Variants in PTPRN2 observed in about 807,000 individuals in gnomAD.
PTPRN2 encodes receptor-type tyrosine-protein phosphatase N2.
In PTPRN2, 74 loss-of-function variants were observed where a neutral mutation model predicts 118.8. The ratio of observed to expected loss-of-function variants is 0.62; its 90% CI spans 0.52 to 0.76. PTPRN2 has a LOEUF of 0.76. PTPRN2 is among the 30% of genes least tolerant of loss of function. The pLI is 0.00. For synonymous variants in PTPRN2, 641 were observed against 608.0 expected, an observed-to-expected ratio of 1.05 and a Z score of -0.80; for missense variants, 1,481 against 1,394.4, an observed-to-expected ratio of 1.06 and a Z score of -0.99.
intron 21 of PTPRN2, among the ~76,000 whole-genome samples, chr7:157,567,620 G>C (rs1289774566): frequency 1.3e-5 from 2 of 152,064 alleles, no homozygotes; most frequent in Non-Finnish European, 2.9e-5. Context: ...ATAGAAACTT[G>C]TTTCTATAAT....
chr7:158,356,156 A>G (rs1049498001), intron 2 of PTPRN2, among the ~76,000 whole-genome samples: 5 of 152,230 alleles, frequency 3.3e-5, no homozygotes, highest in African/African-American at 1.2e-4. Context: ...AGGACATCCA[A>G]TGTAAAAGAC....
chr7:157,661,308 G>A (rs1221224549), intron 13 of PTPRN2, among the ~76,000 whole-genome samples: 2 of 152,278 alleles, frequency 1.3e-5, no homozygotes, highest in Non-Finnish European at 2.9e-5. Flanking sequence ...GGAAGCCCCC[G>A]AAAGCTTGGC....
chr7:157,812,590 A>G (rs1806123700), intron 12 of PTPRN2, among the ~76,000 whole-genome samples: 1 of 152,206 alleles, frequency 6.6e-6, no homozygotes, highest in South Asian at 2.1e-4. Flanking sequence ...AGAGGAGACC[A>G]GAAACTCTAT....
chr7:158,086,023 C>T (rs565632995), intron 10 of PTPRN2, among the ~76,000 whole-genome samples: 4 of 152,348 alleles, frequency 2.6e-5, no homozygotes, highest in South Asian at 2.1e-4. Context: ...CCACGTGTCC[C>T]GGCCTCACAC....
chr7:158,350,595 T>C (rs1198204093), intron 2 of PTPRN2, among the ~76,000 whole-genome samples: 7 of 152,172 alleles, frequency 4.6e-5, no homozygotes, highest in Admixed American at 3.9e-4. Flanking sequence ...CATCACCCCA[T>C]TGGATCTCAG....
chr7:157,918,395 A>AGTTT (rs1798528212), intron 11 of PTPRN2, among the ~76,000 whole-genome samples: 3 of 152,244 alleles, frequency 2.0e-5, no homozygotes, highest in Non-Finnish European at 4.4e-5. Flanking sequence ...CAACAGGTAA[A>AGTTT]CCATCGAAGG....
chr7:157,945,312 G>A (rs62475404), intron 11 of PTPRN2, among the ~76,000 whole-genome samples: 22,481 of 151,926 alleles, frequency 0.15, 1,840 homozygotes, highest in Middle Eastern at 0.24. Context: ...CACAGCCTCC[G>A]CCTGCTAGCT....
chr7:158,568,868 G>C (rs1473254220), intron 1 of PTPRN2, among the ~76,000 whole-genome samples: 1 of 152,116 alleles, frequency 6.6e-6, no homozygotes, highest in Non-Finnish European at 1.5e-5. Context: ...GATTACACCT[G>C]TAATCCCAAC....
At chr7:158,244,993 T>A (rs1264313691) in intron 3 of PTPRN2, among the ~76,000 whole-genome samples, 1 of 152,206 alleles carries the variant, frequency 6.6e-6, no homozygotes, top group Non-Finnish European at 1.5e-5. Context: ...CCCTGCTCCC[T>A]GGCTGTGTCA....
intron 1 of PTPRN2, among the ~76,000 whole-genome samples, chr7:158,500,177 T>C (rs1013116112): frequency 5.3e-5 from 8 of 152,136 alleles, no homozygotes; most frequent in South Asian, 4.1e-4. Context: ...CTTACAATAA[T>C]GAAAAGACAA....
chr7:157,557,652 A>G (rs1798974284), intron 21 of PTPRN2, among the ~76,000 whole-genome samples: 1 of 151,886 alleles, frequency 6.6e-6, no homozygotes, highest in South Asian at 2.1e-4. Flanking sequence ...GAAAATTATA[A>G]GCAGGTTTTT....
chr7:158,026,637 A>C (rs2128879402), intron 11 of PTPRN2, among the ~76,000 whole-genome samples: 1 of 152,332 alleles, frequency 6.6e-6, no homozygotes, highest in South Asian at 2.1e-4. Flanking sequence ...GTGAGATGGT[A>C]CAGGAGGGAG....
At chr7:157,771,741 G>A (rs368223915) in intron 12 of PTPRN2, among the ~76,000 whole-genome samples, 3 of 137,828 alleles carry the variant, frequency 2.2e-5, no homozygotes, top group South Asian at 2.4e-4. Flanking sequence ...ACAAACAGAC[G>A]CAGATACAGA....
intron 12 of PTPRN2, chr7:157,739,436 G>A (rs1800495478): frequency 6.6e-6 from 1 of 152,232 alleles, no homozygotes; most frequent in Non-Finnish European, 1.5e-5. Context: ...GGGCACCTTC[G>A]TTGTAGCTTA....
intron 1 of PTPRN2, among the ~76,000 whole-genome samples, chr7:158,516,404 A>G (rs1346358668): frequency 6.6e-6 from 1 of 152,258 alleles, no homozygotes; most frequent in Non-Finnish European, 1.5e-5. Flanking sequence ...CTTCCTTACA[A>G]GGCACAAAGG....
intron 2 of PTPRN2, among the ~76,000 whole-genome samples, chr7:158,333,379 CCAT>C (rs1179488424): frequency 1.4e-5 from 2 of 145,166 alleles, no homozygotes; most frequent in Non-Finnish European, 1.5e-5. Context: ...CACACTCGCA[CCAT>C]AAGAGGTGAC....
At chr7:158,013,594 T>C (rs1004166425) in intron 11 of PTPRN2, among the ~76,000 whole-genome samples, 6 of 152,060 alleles carry the variant, frequency 3.9e-5, no homozygotes, top group African/African-American at 1.4e-4. Flanking sequence ...CATCTATCCA[T>C]TCATTCACCC....
chr7:157,887,874 C>T (rs1318212610), intron 12 of PTPRN2, among the ~76,000 whole-genome samples: 1 of 145,320 alleles, frequency 6.9e-6, no homozygotes, highest in Admixed American at 6.9e-5. Context: ...TTTGCTCCCC[C>T]CAGTACCTGC....
At chr7:158,016,033 A>G (rs1253670425) in intron 11 of PTPRN2, among the ~76,000 whole-genome samples, 1 of 152,172 alleles carries the variant, frequency 6.6e-6, no homozygotes, top group Non-Finnish European at 1.5e-5. Context: ...CGCACAGTGC[A>G]TGGCCTGACA....
Sources: gnomAD v4.1 joint callset for allele counts (sites outside exome capture counted in the v4.1 genomes callset) on GRCh38, gnomAD v4.1.1 for gene constraint, MANE v1.5 for transcripts, NCBI Gene and HGNC (gene_info 2026-07-23, HGNC 2026-07-21) for gene names.